NTM: variants seen among roughly 807,000 people sequenced by gnomAD.
NTM encodes neurotrimin, also known as IgLON family member 2.
A neutral mutation model predicts 42.1 loss-of-function variants in NTM; 13 were observed. The ratio of observed to expected loss-of-function variants is 0.31; its 90% CI spans 0.20 to 0.49. The LOEUF (loss-of-function observed/expected upper bound fraction) is 0.49. Among genes scored for constraint, NTM ranks in the 20% least tolerant of loss-of-function variants. The pLI, the probability that NTM is intolerant of heterozygous loss-of-function variation, is 0.99. For missense variants in NTM, 373 were observed against 452.8 expected (o/e 0.82, Z 1.60); for synonymous variants, 187 against 179.2 (o/e 1.04, Z -0.35).
intron 1 of NTM, among the ~76,000 whole-genome samples, chr11:131,419,171 C>CAAAA (rs2135811987): frequency 1.3e-5 from 2 of 152,176 alleles, no homozygotes; most frequent in South Asian, 4.2e-4. Flanking sequence ...AACAAACAAA[C>CAAAA]AAACAAACAA....
At chr11:131,726,763 G>A (rs1360346055) in intron 1 of NTM, among the ~76,000 whole-genome samples, 1 of 151,244 alleles carries the variant, frequency 6.6e-6, no homozygotes, top group East Asian at 1.9e-4. Context: ...ATCAAGGCTG[G>A]AGTGCAGTGG....
In NTM at chr11:131,598,664, AC is replaced by A; in HGVS notation, c.82+227777del. Reference sequence around the variant, plus strand: ...CAGCACTACAGCAGCAAAGAGAACTACTACTCTCTTCTCATTTGTTTTCTTT... The same window carrying A: ...CAGCACTACAGCAGCAAAGAGAACTATACTCTCTTCTCATTTGTTTTCTTT... On this transcript the variant is annotated intron_variant, in intron 1 of 8. Transcript: ENST00000683400. 4.3e-5 allele frequency among the ~76,000 whole-genome samples: 4 copies of A among 92,756 alleles called. 1 individual carries two copies. Among genetic ancestry groups the A allele is most frequent in the African/African-American group, 1.2e-4 (4 of 34,626 alleles). 60.9% of individuals were successfully genotyped at this position (92,756 alleles called of 152,430 possible).
chr11:131,530,947 G>A (rs1395811960), intron 1 of NTM, among the ~76,000 whole-genome samples: 1 of 152,204 alleles, frequency 6.6e-6, no homozygotes, highest in Non-Finnish European at 1.5e-5. Flanking sequence ...AGGTAGGGAT[G>A]ACCAGTGAGC....
intron 7 of NTM, among the ~76,000 whole-genome samples, chr11:132,316,331 C>T (rs904936552): frequency 6.6e-6 from 1 of 152,208 alleles, no homozygotes. Context: ...CATAAATATG[C>T]TCTTTTCAGC....
At chr11:131,503,591 T>G (rs1849776) in intron 1 of NTM, among the ~76,000 whole-genome samples, 1 of 151,680 alleles carries the variant, frequency 6.6e-6, no homozygotes, top group African/African-American at 2.4e-5. Flanking sequence ...GGCACAGTCA[T>G]GGCTCACTGT....
In NTM at chr11:131,808,513, T is replaced by TA. The variant is rs755413420; in HGVS notation, c.83-103051_83-103050insA. ...TGTGAACTTAAGAAAGCCATATCTG[T>TA]TAAAAATAAGTTCAATCAAAATTTA... On this transcript the variant is annotated intron_variant, in intron 1 of 8. Coordinates refer to ENST00000683400, the MANE Select transcript of NTM (RefSeq NM_001352005.2). Among the ~76,000 whole-genome samples the TA allele has an allele frequency of 3.9e-5, 6 of 152,260 alleles. 1 individual carries two copies. The highest frequency in any genetic ancestry group is 7.2e-5 in the African/African-American group (3 of 41,534).
At chr11:131,877,714 T>C (rs1426108382) in intron 1 of NTM, 2 of 152,208 alleles carry the variant, frequency 1.3e-5, no homozygotes, top group Admixed American at 1.3e-4. Flanking sequence ...GATGACAATA[T>C]TTAATAACTC....
intron 1 of NTM, among the ~76,000 whole-genome samples, chr11:131,487,359 C>T (rs1954288430): frequency 1.3e-5 from 2 of 152,166 alleles, no homozygotes; most frequent in Admixed American, 6.5e-5. Context: ...TACTGGATGC[C>T]CCAAACATAA....
At chr11:131,933,444 G>C (rs1353213965) in intron 2 of NTM, among the ~76,000 whole-genome samples, 4 of 152,164 alleles carry the variant, frequency 2.6e-5, no homozygotes, top group African/African-American at 9.7e-5. Context: ...CCAAGGATTT[G>C]CTCTTTCTAA....
chr11:131,551,440 C>T (rs988182134), intron 1 of NTM, among the ~76,000 whole-genome samples: 12 of 150,972 alleles, frequency 7.9e-5, no homozygotes, highest in Non-Finnish European at 1.3e-4. Flanking sequence ...AAAAAACGCA[C>T]GATTGCAATG....
intron 4 of NTM, among the ~76,000 whole-genome samples, chr11:132,216,064 G>C (rs1209332545): frequency 6.6e-6 from 1 of 152,222 alleles, no homozygotes; most frequent in Admixed American, 6.5e-5. Flanking sequence ...TTTGCCCTTT[G>C]TCTACATCTA....
chr11:131,389,024 A>AAAAAAAGAAAAGAAAAG (rs774146196), intron 1 of NTM, among the ~76,000 whole-genome samples: 1,132 of 89,860 alleles, frequency 0.013, 22 homozygotes, highest in African/African-American at 0.036. Context: ...AAAAAAAAAA[A>AAAAAAAGAAAAGAAAAG]AAAAGAAAAG....
chr11:131,737,902 C>T (rs1413261565), intron 1 of NTM, among the ~76,000 whole-genome samples: 5 of 152,120 alleles, frequency 3.3e-5, no homozygotes, highest in Admixed American at 3.3e-4. Context: ...TATTTGGTTT[C>T]TGAAGTTAAA....
At chr11:132,011,873 G>A (rs543118809) in intron 2 of NTM, among the ~76,000 whole-genome samples, 1 of 152,250 alleles carries the variant, frequency 6.6e-6, no homozygotes, top group East Asian at 1.9e-4. Flanking sequence ...CTGTATCTCA[G>A]AAGGTGTCCT....
chr11:132,026,930 T>A (rs2075268625), intron 2 of NTM, among the ~76,000 whole-genome samples: 1 of 152,224 alleles, frequency 6.6e-6, no homozygotes, highest in Non-Finnish European at 1.5e-5. Context: ...CTTCTGTCCT[T>A]CCGACACCCA....
chr11:131,447,950 C>T (rs563598220), intron 1 of NTM, among the ~76,000 whole-genome samples: 8 of 152,302 alleles, frequency 5.3e-5, no homozygotes, highest in South Asian at 2.1e-4. Flanking sequence ...CTTGGGCAGT[C>T]GGATTTCACA....
chr11:131,730,734 A>G (rs908169457), intron 1 of NTM, among the ~76,000 whole-genome samples: 2 of 151,338 alleles, frequency 1.3e-5, no homozygotes, highest in Admixed American at 6.6e-5. Flanking sequence ...GAAGAAGAAG[A>G]GAAGAAGACG....
rs188420373 is a variant in NTM at position 132,240,175 on chromosome 11, A to G, written c.526+28028A>G. Reference sequence around the variant, plus strand: ...AATTAGAAAAGTAAAAACAAATGAGACATGATTTCTGTCTTTGGGGATTTC... The same window carrying G: ...AATTAGAAAAGTAAAAACAAATGAGGCATGATTTCTGTCTTTGGGGATTTC... On this transcript the variant is annotated intron_variant, in intron 4 of 8. Coordinates refer to ENST00000683400, the MANE Select transcript of NTM (RefSeq NM_001352005.2). Among the ~76,000 whole-genome samples the G allele has an allele frequency of 1.1e-4, 16 of 152,350 alleles. No individual in the cohort carries two copies. In the East Asian group the frequency reaches 2.9e-3, roughly 28 times the overall value.
chr11:131,395,660 C>T (rs2442104), intron 1 of NTM, among the ~76,000 whole-genome samples: 133,335 of 152,198 alleles, frequency 0.88, 59,038 homozygotes, highest in African/African-American at 0.97. Context: ...TTTTACATTC[C>T]TTTTAAATGT....
Sources: gnomAD v4.1 joint callset for allele counts (sites outside exome capture counted in the v4.1 genomes callset) on GRCh38, gnomAD v4.1.1 for gene constraint, MANE v1.5 for transcripts, NCBI Gene and HGNC (gene_info 2026-07-23, HGNC 2026-07-21) for gene names.